The following COL22A1 variants were observed in gnomAD, a reference collection of about 807,000 sequenced individuals.
The protein encoded by COL22A1 is collagen alpha-1(XXII) chain.
COL22A1 carries 221 observed loss-of-function variants against 248.9 expected under a neutral mutation model. The observed-to-expected ratio is 0.89, with a 90% CI of 0.80 to 0.99. COL22A1 has a LOEUF of 0.99. Ranked by LOEUF, COL22A1 falls within the 50% of genes least tolerant of loss-of-function variation. The pLI is 0.00. For synonymous variants in COL22A1, 891 were observed against 793.4 expected, an observed-to-expected ratio of 1.12 and a Z score of -2.07; for missense variants, 2,240 against 2,179.0, an observed-to-expected ratio of 1.03 and a Z score of -0.56.
chr8:138,654,863 G>A (rs538071815), intron 45 of COL22A1, among the ~76,000 whole-genome samples: 2 of 152,312 alleles, frequency 1.3e-5, no homozygotes, highest in South Asian at 4.1e-4. Flanking sequence ...AAAAGCAAAT[G>A]TGGTTCTAGA....
At chr8:138,785,742 C>A (rs767761923) in intron 12 of COL22A1, among the ~76,000 whole-genome samples, 3 of 152,144 alleles carry the variant, frequency 2.0e-5, no homozygotes, top group Admixed American at 6.5e-5. Context: ...CAAATAGATG[C>A]CCAGTAGATG....
Position 138,717,375 on chromosome 8 carries a change from C to A in COL22A1, c.2356-506G>T, listed in dbSNP as rs373331751. Among the ~76,000 whole-genome samples, 10 of 152,268 alleles carry A rather than the reference C, an allele frequency of 6.6e-5. No homozygotes were observed. The East Asian group carries it at 1.5e-3, about 24-fold the overall frequency. On this transcript the variant is annotated intron_variant, in intron 27 of 64. Transcript: ENST00000303045. Reference sequence around the variant, plus strand: ...TGTTAGCCAGGATGGTCTTGATCTCCTGACCTCGTGATCAGCCTGCCTCGG... The same window carrying A: ...TGTTAGCCAGGATGGTCTTGATCTCATGACCTCGTGATCAGCCTGCCTCGG...
intron 3 of COL22A1, among the ~76,000 whole-genome samples, chr8:138,876,371 G>A (rs143319942): frequency 4.1e-4 from 62 of 152,246 alleles, no homozygotes; most frequent in African/African-American, 1.5e-3. Context: ...CACATGAGAC[G>A]CTGCTAAAGT....
rs575444175 is a variant in COL22A1 at position 138,717,140 on chromosome 8, AT to A, written c.2356-272del. Among the ~76,000 whole-genome samples the A allele has an allele frequency of 2.1e-3, 317 of 151,552 alleles. 2 individuals are homozygous for A. Among genetic ancestry groups the A allele is most frequent in the Admixed American group, 3.5e-3 (53 of 15,216 alleles). ...CTGTCCCATTAGAATTTATTTTTTA[AT>A]TTTTTTTTATTTTTTATTTTTTTTG... On this transcript the variant is annotated intron_variant, in intron 27 of 64. Transcript: ENST00000303045.
In COL22A1 at chr8:138,662,228, G is replaced by T. The variant is rs1488769602; in HGVS notation, c.3187-145C>A. 6.2e-6 allele frequency: 4 copies of T among 641,578 alleles called. No homozygotes were observed. In the East Asian group the frequency reaches 1.1e-4, roughly 18 times the overall value. 39.7% of individuals were successfully genotyped at this position (641,578 alleles called of 1,614,324 possible). A position where few individuals can be genotyped will look rare whatever the true frequency, so the allele number is the denominator to read the frequency against. ...TGCAACATGTGTGCCAAAGCACCCT[G>T]CTCAGAGCTTACTCAACTGACTGTA... is the stretch of plus-strand genomic sequence containing the variant. On this transcript the variant is annotated intron_variant, in intron 42 of 64. Coordinates refer to ENST00000303045, the MANE Select transcript of COL22A1 (RefSeq NM_152888.3).
intron 12 of COL22A1, among the ~76,000 whole-genome samples, chr8:138,787,115 A>G (rs1586743797): frequency 6.6e-6 from 1 of 152,268 alleles, no homozygotes; most frequent in East Asian, 1.9e-4. Flanking sequence ...GTATCTCTTG[A>G]TAACTAAGAA....
intron 56 of COL22A1, among the ~76,000 whole-genome samples, chr8:138,609,028 T>G (rs1818649768): frequency 6.6e-6 from 1 of 152,252 alleles, no homozygotes; most frequent in Non-Finnish European, 1.5e-5. Context: ...CCAAGAGGTG[T>G]GAATGCCCTC....
intron 9 of COL22A1, 93 bp downstream of exon 9, chr8:138,811,705 GC>G: frequency 1.4e-6 from 2 of 1,460,400 alleles, no homozygotes; most frequent in Non-Finnish European, 1.9e-6. Flanking sequence ...GCCTCCTGGT[GC>G]CCCCCTGACC....
chr8:138,760,332 T>C lies in COL22A1; in HGVS notation c.1858-45A>G. On this transcript the variant is annotated intron_variant, in intron 17 of 64. Transcript: ENST00000303045. Reference sequence around the variant, plus strand: ...GGCAGATTATGATGGGCACTACGGATACGGTGGTGGGGTGTTGGGGAGAAA... The same window carrying C: ...GGCAGATTATGATGGGCACTACGGACACGGTGGTGGGGTGTTGGGGAGAAA... 4 of 1,559,274 alleles carry C rather than the reference T, an allele frequency of 2.6e-6. No individual in the cohort carries two copies. In the South Asian group the frequency reaches 3.5e-5, roughly 14 times the overall value.
At chr8:138,826,922 C>A in intron 5 of COL22A1, 141 bp from the exon 6 acceptor site, 1 of 982,800 alleles carries the variant, frequency 1.0e-6, no homozygotes, top group Non-Finnish European at 1.5e-6. Flanking sequence ...TCTTGGCCTG[C>A]CTTCACTGCC....
intron 52 of COL22A1, among the ~76,000 whole-genome samples, chr8:138,619,737 A>G (rs1360044054): frequency 6.6e-6 from 1 of 152,098 alleles, no homozygotes; most frequent in African/African-American, 2.4e-5. Context: ...CACAGGTTGC[A>G]TCTCCAAATT....
At chr8:138,840,690 C>T (rs551430585) in intron 4 of COL22A1, among the ~76,000 whole-genome samples, 151 of 152,230 alleles carry the variant, frequency 9.9e-4, no homozygotes, top group African/African-American at 2.9e-3. Flanking sequence ...TGGGCTTAAG[C>T]GAACCACCCA....
chr8:138,749,679 G>C (rs1832424597), intron 22 of COL22A1, among the ~76,000 whole-genome samples: 1 of 152,164 alleles, frequency 6.6e-6, no homozygotes, highest in Non-Finnish European at 1.5e-5. Flanking sequence ...AACCGGCCTG[G>C]AGAGACCAGG....
intron 3 of COL22A1, among the ~76,000 whole-genome samples, chr8:138,862,279 C>A (rs541883360): frequency 1.3e-5 from 2 of 152,078 alleles, no homozygotes; most frequent in African/African-American, 4.8e-5. Flanking sequence ...CAATGGGTTG[C>A]CACTCAACTA....
chr8:138,725,303 G>A (rs754167597), intron 24 of COL22A1, 84 bp downstream of exon 24: 19 of 1,338,948 alleles, frequency 1.4e-5, no homozygotes, highest in Non-Finnish European at 1.6e-5. Flanking sequence ...AAGACAAGAG[G>A]CCATTCACAA....
intron 51 of COL22A1, among the ~76,000 whole-genome samples, 198 bp downstream of exon 51, chr8:138,625,992 T>G (rs1281540687): frequency 6.6e-6 from 1 of 152,210 alleles, no homozygotes; most frequent in Non-Finnish European, 1.5e-5. Context: ...AGTACAAGAT[T>G]AAGACTGATT....
In COL22A1 at chr8:138,684,188, C is replaced by G. The variant is rs1161132090; in HGVS notation, c.3012+237G>C. Among the ~76,000 whole-genome samples the G allele has an allele frequency of 2.0e-5, 3 of 151,272 alleles. No individual in the cohort carries two copies. The East Asian group carries it at 5.8e-4, about 29-fold the overall frequency. ...CTGAGGCAGGAGAATCACTTGAACC[C>G]AGGAGGTTGAAGTTGCAGTGAGCTG... On this transcript the variant is annotated intron_variant, in intron 39 of 64. Coordinates refer to ENST00000303045, the MANE Select transcript of COL22A1 (RefSeq NM_152888.3).
At chr8:138,647,664 G>A (rs1412021705) in intron 46 of COL22A1, among the ~76,000 whole-genome samples, 2 of 152,114 alleles carry the variant, frequency 1.3e-5, no homozygotes, top group Non-Finnish European at 2.9e-5. Flanking sequence ...GCTTGACTCT[G>A]AGAAAGGACT....
intron 55 of COL22A1, among the ~76,000 whole-genome samples, chr8:138,615,215 T>C (rs1819213834): frequency 6.6e-6 from 1 of 152,178 alleles, no homozygotes; most frequent in African/African-American, 2.4e-5. Context: ...AAATTTTTCA[T>C]TTGTACACCT....
Sources: gnomAD v4.1 joint callset for allele counts (sites outside exome capture counted in the v4.1 genomes callset) on GRCh38, gnomAD v4.1.1 for gene constraint, MANE v1.5 for transcripts, NCBI Gene and HGNC (gene_info 2026-07-23, HGNC 2026-07-21) for gene names.